ITGA3: variants seen among roughly 807,000 people sequenced by gnomAD.
ITGA3 encodes integrin subunit alpha 3.
ITGA3 carries 70 observed loss-of-function variants against 131.1 expected under a neutral mutation model. The observed-to-expected ratio is 0.53, with a 90% CI of 0.44 to 0.65. The LOEUF (loss-of-function observed/expected upper bound fraction) is 0.65, where lower values mean the gene tolerates loss of function less well. Ranked by LOEUF, ITGA3 falls within the 30% of genes least tolerant of loss-of-function variation. The probability of loss-of-function intolerance (pLI) is 0.00; values close to 1 mark genes in which losing one functional copy is unlikely to be tolerated. For synonymous variants in ITGA3, 537 were observed against 571.6 expected (o/e 0.94, Z 0.86); for missense variants, 1,098 against 1,388.6 (o/e 0.79, Z 3.33).
chr17:50,057,807 T>C (rs1907900975), intron 1 of ITGA3, among the ~76,000 whole-genome samples: 1 of 152,168 alleles, frequency 6.6e-6, no homozygotes. Flanking sequence ...TGAGGAAGTT[T>C]AGAATGTCCA....
rs1909600839 is a variant in ITGA3 at position 50,089,205 on chromosome 17, C to T, written c.*127C>T. ...AGGAGCGCTACCCACCTCCAGGGAGCACCCTGCCCACCAAGAAGCACTGGG... is the reference window on the plus strand; with the variant it reads ...AGGAGCGCTACCCACCTCCAGGGAGTACCCTGCCCACCAAGAAGCACTGGG... On this transcript the variant is annotated 3_prime_UTR_variant, in exon 26 of 26. Coordinates refer to ENST00000320031, the MANE Select transcript of ITGA3 (RefSeq NM_002204.4). 3.1e-6 allele frequency: 5 copies of T among 1,613,552 alleles called. No homozygotes were observed. The highest frequency in any genetic ancestry group is 4.2e-6 in the Non-Finnish European group (5 of 1,179,864).
chr17:50,072,694 A>T (rs1419764993), intron 7 of ITGA3, among the ~76,000 whole-genome samples: 1 of 152,078 alleles, frequency 6.6e-6, no homozygotes, highest in African/African-American at 2.4e-5. Flanking sequence ...ACCCTGAAGG[A>T]TGATTCTGGA....
chr17:50,087,466 C>CTGGT (rs1400191724), intron 23 of ITGA3: 1 of 384,934 alleles, frequency 2.6e-6, no homozygotes, highest in Admixed American at 3.9e-5. Context: ...AGGGAAGGAG[C>CTGGT]TGGTACCCAG....
rs773484423 is a variant in ITGA3, at chr17:50,089,211, G to A, written c.*133G>A. ...GCTACCCACCTCCAGGGAGCACCCT[G>A]CCCACCAAGAAGCACTGGGTGACCA... On this transcript the variant is annotated 3_prime_UTR_variant, in exon 26 of 26. Transcript: ENST00000320031. 1.9e-6 allele frequency: 3 copies of A among 1,613,724 alleles called. No individual in the cohort carries two copies. Among genetic ancestry groups the A allele is most frequent in the South Asian group, 1.1e-5 (1 of 91,062 alleles).
intron 23 of ITGA3, chr17:50,086,393 G>A (rs1033605208): frequency 3.3e-5 from 5 of 150,356 alleles, no homozygotes; most frequent in African/African-American, 1.2e-4. Flanking sequence ...ATCATGTATA[G>A]TCAGAACAAA....
intron 23 of ITGA3, among the ~76,000 whole-genome samples, chr17:50,081,999 A>G (rs1163551665): frequency 6.6e-6 from 1 of 152,036 alleles, no homozygotes; most frequent in Non-Finnish European, 1.5e-5. Context: ...GCAATGGAAA[A>G]GCTATTATTT....
intron 1 of ITGA3, among the ~76,000 whole-genome samples, chr17:50,057,016 T>TC (rs926349362): frequency 4.6e-5 from 7 of 152,040 alleles, no homozygotes; most frequent in African/African-American, 1.7e-4. Context: ...CCCAGCGGAC[T>TC]CCCCCCTTCC....
intron 1 of ITGA3, among the ~76,000 whole-genome samples, chr17:50,058,933 C>T (rs931933596): frequency 2.0e-5 from 3 of 152,244 alleles, no homozygotes; most frequent in South Asian, 2.1e-4. Context: ...GATGCAGGGA[C>T]TCCCTGAAAG....
At chr17:50,078,956 G>A (rs748387611) in intron 19 of ITGA3, 30 bp downstream of exon 19, 7 of 1,532,094 alleles carry the variant, frequency 4.6e-6, no homozygotes, top group Non-Finnish European at 6.3e-6. Context: ...CCTGGGCTGG[G>A]GACTTCTAGG....
In ITGA3 at chr17:50,088,296, C is replaced by G; in HGVS notation, c.3117C>G (p.Ser1039Arg). The G allele has an allele frequency of 1.3e-6, 2 of 1,588,888 alleles. No individual in the cohort carries two copies. The highest frequency in any genetic ancestry group is 1.7e-6 in the Non-Finnish European group (2 of 1,167,890). Residue 1039 changes from serine to arginine, a missense_variant, in exon 25 of 26, where the codon AGC becomes AGG. Ser to Arg is a moderately radical substitution (Grantham distance 110, BLOSUM62 -1). Around this residue, in one of 3 missense-constraint regions of ITGA3, gnomAD observed 699 missense variants for 829.2 expected, o/e 0.84. Transcript: ENST00000320031. ...AGAGGCAGAAGGCGGAGATGAAGAGCCAGCCGTCAGAGACAGAGAGGCTGA... is the reference window on the plus strand; with the variant it reads ...AGAGGCAGAAGGCGGAGATGAAGAGGCAGCCGTCAGAGACAGAGAGGCTGA... The part of the protein sequence containing the change: ...EAKRQKAEMK[S>R]QPSETERLTD...
chr17:50,073,626 A>G (rs796405792), intron 7 of ITGA3, among the ~76,000 whole-genome samples: 95 of 134,136 alleles, frequency 7.1e-4, no homozygotes, highest in African/African-American at 2.4e-3. Context: ...ACACACACAC[A>G]CACACACGCA....
intron 23 of ITGA3, chr17:50,086,209 AAT>A (rs71146962): frequency 0.015 from 8 of 520 alleles, 1 homozygote; most frequent in African/African-American, 0.026. Context: ...ATACATGTAT[AAT>A]ATATATATTA....
chr17:50,082,154 A>T (rs1909215920), intron 23 of ITGA3, among the ~76,000 whole-genome samples: 1 of 151,650 alleles, frequency 6.6e-6, no homozygotes, highest in South Asian at 2.1e-4. Context: ...TGCCCAGCTA[A>T]TTTATTTCTT....
In ITGA3 at chr17:50,068,118, G is replaced by A. The variant is rs1290809108; in HGVS notation, c.477G>A (p.Val159=). 1.2e-6 allele frequency: 2 copies of A among 1,614,194 alleles called. No homozygotes were observed. Among genetic ancestry groups the A allele is most frequent in the Admixed American group, 1.7e-5 (1 of 60,030 alleles). The change falls in exon 4 of 26, where the codon GTG becomes GTA. Residue 159 remains valine, a synonymous_variant. Coordinates refer to ENST00000320031, the MANE Select transcript of ITGA3 (RefSeq NM_002204.4). ...WSGSEDQRRM[V]GKCYVRGNDL... is the part of the protein sequence containing the mutation. ...GGTCAGAAGACCAGCGGCGCATGGT[G>A]GGCAAGTGCTACGTGCGAGGCAATG...
intron 23 of ITGA3, among the ~76,000 whole-genome samples, chr17:50,083,977 C>A (rs1006734946): frequency 6.6e-5 from 10 of 151,306 alleles, no homozygotes; most frequent in Non-Finnish European, 8.8e-5. Flanking sequence ...TGGCTCACAC[C>A]TGTAATCCCA....
Position 50,078,932 on chromosome 17 carries a change from G to A in ITGA3, c.2400+6G>A. ...CCCTCAAGTATGAATTCCAGGTAAG[G>A]GGCTCGCCAGAGTCCTGGGCTGGGG... On this transcript the variant is annotated splice_donor_region_variant and intron_variant, in intron 19 of 25. Coordinates refer to ENST00000320031, the MANE Select transcript of ITGA3 (RefSeq NM_002204.4). The A allele has an allele frequency of 1.3e-6, 2 of 1,583,426 alleles. No homozygotes were observed. Among genetic ancestry groups the A allele is most frequent in the Non-Finnish European group, 1.7e-6 (2 of 1,152,094 alleles).
At chr17:50,059,619 C>T (rs1366325258) in intron 1 of ITGA3, among the ~76,000 whole-genome samples, 1 of 152,206 alleles carries the variant, frequency 6.6e-6, no homozygotes, top group Non-Finnish European at 1.5e-5. Flanking sequence ...TCCTCTGGCT[C>T]TACCCAGTGA....
chr17:50,057,752 G>A (rs1907897544), intron 1 of ITGA3, among the ~76,000 whole-genome samples: 1 of 152,166 alleles, frequency 6.6e-6, no homozygotes, highest in African/African-American at 2.4e-5. Context: ...TCACATCCAG[G>A]GTACACTGGA....
At position 50,079,192 on chromosome 17, in the gene ITGA3, T is replaced by C. The variant is rs1909066405; in HGVS notation, c.2517T>C (p.His839=). The change falls in exon 20 of 26, where the codon CAT becomes CAC. Residue 839 remains histidine (H), a synonymous_variant. Coordinates refer to ENST00000320031, the MANE Select transcript of ITGA3 (RefSeq NM_002204.4). ...WLLYPTEITV[H]GNGSWPCRPP... ...TGTATCCCACGGAGATCACCGTCCA[T>C]GGCAATGGGTCCTGGCCCTGCCGAC... 3.1e-6 allele frequency: 5 copies of C among 1,614,058 alleles called. No homozygotes were observed. Among genetic ancestry groups the C allele is most frequent in the Non-Finnish European group, 4.2e-6 (5 of 1,179,982 alleles).
Sources: allele counts gnomAD v4.1 joint callset (sites outside exome capture counted in the v4.1 genomes callset), GRCh38; gene constraint gnomAD v4.1.1; regional missense constraint gnomAD v4.1.1; transcripts MANE v1.5; gene names NCBI Gene and HGNC (gene_info 2026-07-23, HGNC 2026-07-21).